Variants in WDFY3 observed in about 807,000 individuals in gnomAD.
WDFY3 encodes the protein WD repeat and FYVE domain-containing protein 3.
Under a neutral mutation model 409.6 loss-of-function variants are expected in WDFY3, and 66 were observed. The ratio of observed to expected loss-of-function variants is 0.16; its 90% CI spans 0.13 to 0.20. The LOEUF (loss-of-function observed/expected upper bound fraction) is 0.20. WDFY3 is among the 10% of genes least tolerant of loss of function. The pLI is 1.00. For synonymous variants in WDFY3, 1,521 were observed against 1,537.1 expected, an observed-to-expected ratio of 0.99 and a Z score of 0.25; for missense variants, 3,031 against 4,298.1, an observed-to-expected ratio of 0.71 and a Z score of 8.24.
At chr4:84,775,525 A>C (rs1378057446) in intron 27 of WDFY3, among the ~76,000 whole-genome samples, 1 of 152,000 alleles carries the variant, frequency 6.6e-6, no homozygotes. Context: ...TTCCGAAAAA[A>C]AATTCAATAA....
At chr4:84,943,278 G>A (rs1772374738) in intron 1 of WDFY3, among the ~76,000 whole-genome samples, 1 of 152,118 alleles carries the variant, frequency 6.6e-6, no homozygotes, top group South Asian at 2.1e-4. Context: ...GAGGCGGGCG[G>A]ATCACAAGGT....
At chr4:84,682,553 T>C in intron 63 of WDFY3, 83 bp from the exon 64 acceptor site, 1 of 1,088,924 alleles carries the variant, frequency 9.2e-7, no homozygotes, top group Non-Finnish European at 1.4e-6. Flanking sequence ...AGAGAGACTG[T>C]CAGGGTTAAC....
At chr4:84,805,168 T>A (rs1578601915) in intron 15 of WDFY3, among the ~76,000 whole-genome samples, 1 of 152,272 alleles carries the variant, frequency 6.6e-6, no homozygotes, top group Non-Finnish European at 1.5e-5. Flanking sequence ...GCAACATAAG[T>A]AAATTATGTG....
chr4:84,958,450 C>T (rs1441729759), intron 1 of WDFY3, among the ~76,000 whole-genome samples: 1 of 152,086 alleles, frequency 6.6e-6, no homozygotes, highest in Non-Finnish European at 1.5e-5. Context: ...CAGTTCCTCC[C>T]ATCCAAGACC....
intron 34 of WDFY3, among the ~76,000 whole-genome samples, chr4:84,755,032 T>A (rs920497438): frequency 1.3e-5 from 2 of 152,156 alleles, no homozygotes; most frequent in African/African-American, 4.8e-5. Flanking sequence ...GGATAATAGA[T>A]TGGAAGTACC....
chr4:84,787,675 C>T lies in WDFY3; in HGVS notation c.3708G>A (p.Ser1236=), dbSNP rs772247575. 1.6e-5 allele frequency: 26 copies of T among 1,613,976 alleles called. No individual in the cohort carries two copies. In the Admixed American group the frequency reaches 2.0e-4, roughly 12 times the overall value. ...CCGTGCTCACCACTGGTGGATTTGC[C>T]GAACCTGAACCCCCTGGAGTACTGT... The part of the protein sequence containing the change: ...YVHSTPGGSG[S]ANPPVVSTVY... The change falls in exon 23 of 68, where the codon TCG becomes TCA. Residue 1236 remains serine (S), a synonymous_variant. Transcript: ENST00000295888.
intron 1 of WDFY3, among the ~76,000 whole-genome samples, chr4:84,952,641 TC>T (rs1773752567): frequency 6.6e-6 from 1 of 152,086 alleles, no homozygotes; most frequent in South Asian, 2.1e-4. Context: ...AATGCTGAAC[TC>T]CACAACATCA....
intron 3 of WDFY3, among the ~76,000 whole-genome samples, chr4:84,885,330 A>ATGTGTGTGTGTG (rs70943380): frequency 1.3e-4 from 19 of 145,548 alleles, no homozygotes; most frequent in African/African-American, 3.0e-4. Context: ...ACATATACAT[A>ATGTGTGTGTGTG]TGTGTGTGTG....
At position 84,787,697 on chromosome 4, in the gene WDFY3, C is replaced by T. The variant is rs1747798691; in HGVS notation, c.3686G>A (p.Ser1229Asn). ...VNTVKLHYVH[S>N]TPGGSGSANP... is the part of the protein sequence containing the mutation. ...TGCCGAACCTGAACCCCCTGGAGTA[C>T]TGTGGACATAATGAAGCTGTAAGGA... The change falls in exon 23 of 68, where the codon AGT becomes AAT. Residue 1229 changes from serine to asparagine, a missense_variant. Ser to Asn is a conservative substitution (Grantham distance 46). This residue lies in a region of WDFY3 where 1,322 missense variants were observed against 1,697.9 expected (regional missense o/e 0.78). Coordinates refer to ENST00000295888, the MANE Select transcript of WDFY3 (RefSeq NM_014991.6). The T allele has an allele frequency of 1.2e-6, 2 of 1,611,710 alleles. No homozygotes were observed. The highest frequency in any genetic ancestry group is 1.3e-5 in the African/African-American group (1 of 74,876).
At chr4:84,709,618 T>C (rs546751510) in intron 51 of WDFY3, among the ~76,000 whole-genome samples, 2 of 152,374 alleles carry the variant, frequency 1.3e-5, no homozygotes, top group East Asian at 3.9e-4. Flanking sequence ...GAGTTGAGTA[T>C]TTATAACTCC....
chr4:84,808,190 C>T lies in WDFY3; in HGVS notation c.2429+144G>A, dbSNP rs943018673. On this transcript the variant is annotated intron_variant, in intron 15 of 67. Transcript: ENST00000295888. ...ATCTTTAAAATCTAAAAACACCCCC[C>T]AAAACCCCAAAAGTAAAAACAAAAC... 17 of 657,160 alleles carry T rather than the reference C, an allele frequency of 2.6e-5. No homozygotes were observed. In the Admixed American group the frequency reaches 4.2e-4, roughly 16 times the overall value. The allele number at this position is 657,160 out of a possible 1,614,324, so 40.7% of individuals were successfully genotyped here. A position where few individuals can be genotyped will look rare whatever the true frequency, so the allele number is the denominator to read the frequency against.
chr4:84,930,794 A>C (rs1770667822), intron 2 of WDFY3, among the ~76,000 whole-genome samples: 1 of 152,184 alleles, frequency 6.6e-6, no homozygotes, highest in South Asian at 2.1e-4. Flanking sequence ...AAGGATCAGA[A>C]GTTTTATCCT....
intron 15 of WDFY3, among the ~76,000 whole-genome samples, 165 bp from the exon 16 acceptor site, chr4:84,803,632 G>T (rs957809562): frequency 6.6e-6 from 1 of 152,094 alleles, no homozygotes; most frequent in African/African-American, 2.4e-5. Context: ...ATGTGTGTGT[G>T]TCCGCATGTG....
At chr4:84,822,985 T>A (rs996530199) in intron 10 of WDFY3, among the ~76,000 whole-genome samples, 1 of 152,110 alleles carries the variant, frequency 6.6e-6, no homozygotes, top group African/African-American at 2.4e-5. Flanking sequence ...TTCAAAAAAA[T>A]AGTTCATGTG....
intron 4 of WDFY3, 121 bp downstream of exon 4, chr4:84,860,291 C>T (rs1390946707): frequency 1.7e-6 from 2 of 1,199,534 alleles, no homozygotes; most frequent in Non-Finnish European, 2.3e-6. Context: ...AACGAGAACA[C>T]CAAACTTCTT....
chr4:84,913,381 A>G (rs1477607926), intron 2 of WDFY3, among the ~76,000 whole-genome samples: 1 of 152,196 alleles, frequency 6.6e-6, no homozygotes, highest in African/African-American at 2.4e-5. Context: ...GATGTTGTGC[A>G]CGATTTCGTA....
intron 1 of WDFY3, among the ~76,000 whole-genome samples, chr4:84,945,655 A>G (rs373774593): frequency 6.6e-6 from 1 of 152,272 alleles, no homozygotes; most frequent in East Asian, 1.9e-4. Context: ...CCTATAGTAC[A>G]TAAAATAAGC....
chr4:84,785,540 T>C (rs1028621487), intron 24 of WDFY3, among the ~76,000 whole-genome samples: 1 of 152,196 alleles, frequency 6.6e-6, no homozygotes, highest in Admixed American at 6.5e-5. Flanking sequence ...ATGATTAGGT[T>C]ATTTCTTTAG....
At chr4:84,692,825 C>T in intron 59 of WDFY3, 60 bp downstream of exon 59, 1 of 1,476,850 alleles carries the variant, frequency 6.8e-7, no homozygotes, top group Non-Finnish European at 9.1e-7. Flanking sequence ...TATTGTTAAA[C>T]TGGGATTATT....
Sources: gnomAD v4.1 joint callset for allele counts (sites outside exome capture counted in the v4.1 genomes callset) on GRCh38, gnomAD v4.1.1 for gene constraint, gnomAD v4.1.1 regional missense constraint, MANE v1.5 for transcripts, NCBI Gene and HGNC (gene_info 2026-07-23, HGNC 2026-07-21) for gene names.